ATP10A: variants seen among roughly 807,000 people sequenced by gnomAD.
ATP10A encodes phospholipid-transporting ATPase VA.
Under a neutral mutation model 147.8 loss-of-function variants are expected in ATP10A, and 111 were observed. The ratio of observed to expected loss-of-function variants is 0.75; its 90% confidence interval spans 0.64 to 0.88. The LOEUF (loss-of-function observed/expected upper bound fraction) is 0.88. Ranked by LOEUF, ATP10A falls within the 40% of genes least tolerant of loss-of-function variation. The probability of loss-of-function intolerance (pLI) is 0.00; values close to 1 mark genes in which losing one functional copy is unlikely to be tolerated. For synonymous variants in ATP10A, 875 were observed against 841.6 expected, an observed-to-expected ratio of 1.04 and a Z score of -0.69; for missense variants, 1,927 against 1,959.0, an observed-to-expected ratio of 0.98 and a Z score of 0.31.
At chr15:25,705,440 C>CAAAACAAAAAAAAA (rs1900919614) in intron 12 of ATP10A, among the ~76,000 whole-genome samples, 1 of 86,222 alleles carries the variant, frequency 1.2e-5, no homozygotes, top group Non-Finnish European at 2.2e-5. Flanking sequence ...TGTCTCAAAG[C>CAAAACAAAAAAAAA]AAAAAAAAAA....
At chr15:25,774,173 C>T (rs1889487272) in intron 2 of ATP10A, among the ~76,000 whole-genome samples, 2 of 152,106 alleles carry the variant, frequency 1.3e-5, no homozygotes, top group Non-Finnish European at 2.9e-5. Flanking sequence ...ATGATCATTT[C>T]CAACCACACA....
At chr15:25,766,612 G>A (rs1889035205) in intron 2 of ATP10A, among the ~76,000 whole-genome samples, 2 of 151,748 alleles carry the variant, frequency 1.3e-5, no homozygotes, top group African/African-American at 4.8e-5. Flanking sequence ...GGATCTTCCT[G>A]CTGGCAGTTC....
At chr15:25,863,573 G>GAAAA (rs1893875606), upstream of ATP10A, 2 of 152,444 alleles carry the variant, frequency 1.3e-5, no homozygotes, top group Non-Finnish European at 2.9e-5. Context: ...AAACCGCGAA[G>GAAAA]CGCGAGAAAA....
intron 10 of ATP10A, among the ~76,000 whole-genome samples, chr15:25,712,612 G>T (rs1050762831): frequency 2.0e-5 from 3 of 152,176 alleles, no homozygotes; most frequent in African/African-American, 4.8e-5. Flanking sequence ...ATGTAAACAA[G>T]AATCGATTTT....
chr15:25,757,670 C>A (rs1888496778), intron 2 of ATP10A, among the ~76,000 whole-genome samples: 1 of 152,128 alleles, frequency 6.6e-6, no homozygotes, highest in Non-Finnish European at 1.5e-5. Flanking sequence ...AGAGTAATTT[C>A]TTTCTTTTGC....
chr15:25,843,086 G>C (rs1892875338), intron 1 of ATP10A, among the ~76,000 whole-genome samples: 3 of 152,232 alleles, frequency 2.0e-5, no homozygotes, highest in Middle Eastern at 3.4e-3. Context: ...CTATTGTTCT[G>C]AGTGGCTGCC....
At position 25,796,995 on chromosome 15, in the gene ATP10A, T is replaced by C. The variant is rs139207442; in HGVS notation, c.450-15772A>G. On this transcript the variant is annotated intron_variant, in intron 1 of 20. Coordinates refer to ENST00000555815, the MANE Select transcript of ATP10A (RefSeq NM_024490.4). ...CCGATCTTTTTTTCTGATGAGAACATTTAAAATCTACTTGTTAGCAATTTT... is the reference window on the plus strand; with the variant it reads ...CCGATCTTTTTTTCTGATGAGAACACTTAAAATCTACTTGTTAGCAATTTT... Among the ~76,000 whole-genome samples, 5 of 152,318 alleles carry C rather than the reference T, an allele frequency of 3.3e-5. No individual in the cohort carries two copies. The East Asian group carries it at 7.7e-4, about 23-fold the overall frequency.
intron 1 of ATP10A, among the ~76,000 whole-genome samples, chr15:25,785,097 C>T (rs774304567): frequency 3.9e-5 from 6 of 152,042 alleles, no homozygotes; most frequent in Non-Finnish European, 7.4e-5. Context: ...ATCCTGCAAC[C>T]ACTCCAGCTG....
intron 13 of ATP10A, among the ~76,000 whole-genome samples, chr15:25,699,342 C>T (rs1433659827): frequency 6.6e-6 from 1 of 152,116 alleles, no homozygotes; most frequent in African/African-American, 2.4e-5. Flanking sequence ...ACGCTTTCAA[C>T]CAAAAGAAGA....
chr15:25,777,585 C>G (rs1889675960), intron 2 of ATP10A, among the ~76,000 whole-genome samples: 1 of 151,854 alleles, frequency 6.6e-6, no homozygotes, highest in African/African-American at 2.4e-5. Context: ...AGTGGCTGTC[C>G]CTTCATCAGC....
Position 25,862,989 on chromosome 15 carries a change from G to A in ATP10A, c.108C>T (p.Gly36=). Residue 36 remains glycine (G), a synonymous_variant, in exon 1 of 21, where the codon GGC becomes GGT. Coordinates refer to ENST00000555815, the MANE Select transcript of ATP10A (RefSeq NM_024490.4). ...CCGCGCCAGCCGCAGGGTCCTCGGC[G>A]CCCGGGGGCGGCAGCAGGTTGGAGC... ...TVRSNLLPPP[G]AEDPAAGAAK... The A allele has an allele frequency of 7.0e-7, 1 of 1,420,770 alleles. No homozygotes were observed. Among genetic ancestry groups the A allele is most frequent in the Non-Finnish European group, 9.1e-7 (1 of 1,096,814 alleles). 88.0% of individuals were successfully genotyped at this position (1,420,770 alleles called of 1,614,324 possible).
At chr15:25,745,484 G>A (rs975489939) in intron 2 of ATP10A, among the ~76,000 whole-genome samples, 1 of 152,088 alleles carries the variant, frequency 6.6e-6, no homozygotes, top group Non-Finnish European at 1.5e-5. Flanking sequence ...CACTTCGGGA[G>A]GCCAAAGCAG....
intron 2 of ATP10A, among the ~76,000 whole-genome samples, chr15:25,766,754 G>A (rs1291945083): frequency 6.6e-6 from 1 of 151,966 alleles, no homozygotes; most frequent in Non-Finnish European, 1.5e-5. Context: ...GCCTGCAAGC[G>A]CTCCTCGGGC....
At chr15:25,760,785 G>A (rs137859802) in intron 2 of ATP10A, among the ~76,000 whole-genome samples, 1 of 152,254 alleles carries the variant, frequency 6.6e-6, no homozygotes, top group Non-Finnish European at 1.5e-5. Context: ...GCTTGAGGCT[G>A]CAGTGAGCTA....
At chr15:25,861,013 G>A (rs573088176) in intron 1 of ATP10A, among the ~76,000 whole-genome samples, 7 of 152,290 alleles carry the variant, frequency 4.6e-5, no homozygotes, top group Admixed American at 3.3e-4. Context: ...CAGGGGACAC[G>A]GAGGCCATTT....
chr15:25,730,285 G>A (rs1902887881), intron 3 of ATP10A, among the ~76,000 whole-genome samples: 1 of 148,220 alleles, frequency 6.7e-6, no homozygotes, highest in African/African-American at 2.6e-5. Context: ...CTGGGCAACA[G>A]AGTGAGACTC....
chr15:25,696,350 T>C (rs966406966), intron 13 of ATP10A, among the ~76,000 whole-genome samples: 1 of 152,158 alleles, frequency 6.6e-6, no homozygotes, highest in East Asian at 1.9e-4. Flanking sequence ...AGTGTGGAGA[T>C]GGATAGGAGA....
chr15:25,802,065 CAA>C (rs1890963043), intron 1 of ATP10A, among the ~76,000 whole-genome samples: 1 of 152,164 alleles, frequency 6.6e-6, no homozygotes. Context: ...TTTGTTCTCC[CAA>C]GAGCCTTTTA....
At chr15:25,789,315 C>A (rs1361973703) in intron 1 of ATP10A, among the ~76,000 whole-genome samples, 1 of 152,004 alleles carries the variant, frequency 6.6e-6, no homozygotes, top group African/African-American at 2.4e-5. Context: ...ACATGCAGAC[C>A]AACTAGATTG....
Sources: allele counts gnomAD v4.1 joint callset (sites outside exome capture counted in the v4.1 genomes callset), GRCh38; gene constraint gnomAD v4.1.1; transcripts MANE v1.5; gene names NCBI Gene and HGNC (gene_info 2026-07-23, HGNC 2026-07-21).